Variants in PCDHA3 observed in about 807,000 individuals in gnomAD.
The protein encoded by PCDHA3 is protocadherin alpha 3.
Under a neutral mutation model 62.2 loss-of-function variants are expected in PCDHA3, and 41 were observed. The observed-to-expected ratio is 0.66, with a 90% CI of 0.51 to 0.86. PCDHA3 has a LOEUF of 0.86. Among genes scored for constraint, PCDHA3 ranks in the 40% least tolerant of loss-of-function variants. PCDHA3 has a pLI of 0.00. For synonymous variants in PCDHA3, 640 were observed against 555.4 expected (o/e 1.15, Z -2.14); for missense variants, 1,304 against 1,241.2 (o/e 1.05, Z -0.76).
intron 1 of PCDHA3, among the ~76,000 whole-genome samples, chr5:140,880,156 A>C (rs1301821759): frequency 6.6e-6 from 1 of 152,250 alleles, no homozygotes; most frequent in Non-Finnish European, 1.5e-5. Context: ...TATATCAAGT[A>C]TATGTTAGAA....
At chr5:140,812,561 T>A (rs1311819080) in intron 1 of PCDHA3, 1 of 152,190 alleles carries the variant, frequency 6.6e-6, no homozygotes, top group African/African-American at 2.4e-5. Flanking sequence ...GTTGTTAAGT[T>A]TTTTATTTGA....
At chr5:140,825,517 C>A (rs1236506485) in intron 1 of PCDHA3, 1 of 151,028 alleles carries the variant, frequency 6.6e-6, no homozygotes, top group Non-Finnish European at 1.5e-5. Context: ...CTTGGCCTCC[C>A]AGGTTCAAGC....
intron 1 of PCDHA3, chr5:140,849,798 C>G (rs1356253349): frequency 1.3e-6 from 2 of 1,598,416 alleles, no homozygotes; most frequent in African/African-American, 1.3e-5. Context: ...CTCGCCTTCA[C>G]TGTGGGCCAC....
At chr5:140,843,758 A>T (rs2150366226) in intron 1 of PCDHA3, 1 of 1,503,376 alleles carries the variant, frequency 6.7e-7, no homozygotes, top group East Asian at 2.3e-5. Flanking sequence ...CTATTTGTGG[A>T]AATTGTAGTT....
intron 1 of PCDHA3, among the ~76,000 whole-genome samples, chr5:140,919,522 CT>C (rs1554199133): frequency 1.3e-5 from 2 of 152,000 alleles, no homozygotes; most frequent in Non-Finnish European, 2.9e-5. Flanking sequence ...TTTTAATTCT[CT>C]TTTTTTCCTA....
intron 1 of PCDHA3, chr5:140,857,713 G>A (rs903592431): frequency 5.6e-6 from 9 of 1,597,320 alleles, no homozygotes; most frequent in Non-Finnish European, 7.7e-6. Flanking sequence ...TGTTCGTGCT[G>A]GACGAGAACG....
chr5:140,866,633 G>A (rs900221819), intron 1 of PCDHA3: 71 of 152,170 alleles, frequency 4.7e-4, no homozygotes, highest in African/African-American at 1.6e-3. Flanking sequence ...TTCTGACAAC[G>A]GTGTCAAAAT....
At chr5:140,875,758 T>C (rs1562702075) in intron 1 of PCDHA3, 1 of 1,614,186 alleles carries the variant, frequency 6.2e-7, no homozygotes. Context: ...CGAGAAGCTG[T>C]GCGGGCGGAG....
chr5:140,857,567 G>C, intron 1 of PCDHA3: 1 of 1,596,986 alleles, frequency 6.3e-7, no homozygotes, highest in Non-Finnish European at 8.6e-7. Flanking sequence ...GTCGAGCTAC[G>C]TGTCGGTGCA....
chr5:140,998,186 CA>C (rs1323195881), intron 3 of PCDHA3, among the ~76,000 whole-genome samples: 1 of 152,088 alleles, frequency 6.6e-6, no homozygotes, highest in African/African-American at 2.4e-5. Context: ...AAGCACTTTA[CA>C]AGTATTAACT....
At chr5:140,955,716 A>G (rs2095221843) in intron 1 of PCDHA3, among the ~76,000 whole-genome samples, 1 of 152,220 alleles carries the variant, frequency 6.6e-6, no homozygotes, top group African/African-American at 2.4e-5. Flanking sequence ...TAATAGGAAT[A>G]CCATTGAATC....
chr5:140,913,036 A>G (rs2076178944), intron 1 of PCDHA3, among the ~76,000 whole-genome samples: 3 of 152,190 alleles, frequency 2.0e-5, no homozygotes, highest in African/African-American at 7.2e-5. Context: ...CATCAGATAT[A>G]TTGGCCTGGA....
At chr5:140,903,725 T>C (rs2070536820) in intron 1 of PCDHA3, among the ~76,000 whole-genome samples, 1 of 152,256 alleles carries the variant, frequency 6.6e-6, no homozygotes. Context: ...TTCTCCCTAT[T>C]ATCAATTATT....
chr5:140,939,005 G>A (rs2092293653), intron 1 of PCDHA3, among the ~76,000 whole-genome samples: 1 of 152,200 alleles, frequency 6.6e-6, no homozygotes, highest in Non-Finnish European at 1.5e-5. Flanking sequence ...AAGTTAAGAA[G>A]TGTTACTTTT....
rs1199685974 is a variant in PCDHA3 at position 140,838,075 on chromosome 5, ATAGTGTGTGTGTGTGTGTGTGTGTGT to A, written c.2394+34485_2394+34510del. 9.4e-5 allele frequency among the ~76,000 whole-genome samples: 12 copies of A among 128,240 alleles called. 1 individual carries two copies. The highest frequency in any genetic ancestry group is 6.9e-4 in the East Asian group (3 of 4,320). The allele number at this position is 128,240 out of a possible 152,430, so 84.1% of individuals were successfully genotyped here. ...GTTTTCCACTTTAAGTTATATATAT[ATAGTGTGTGTGTGTGTGTGTGTGTGT>A]GTGTGTGTGTGTGTGTGTGTGTGTG... On this transcript the variant is annotated intron_variant, in intron 1 of 3. Transcript: ENST00000522353.
intron 1 of PCDHA3, chr5:140,871,241 C>G (rs782602807): frequency 3.7e-6 from 6 of 1,613,972 alleles, no homozygotes; most frequent in Non-Finnish European, 5.1e-6. Flanking sequence ...CTGGTACTCA[C>G]GCTGCTGCTG....
intron 1 of PCDHA3, among the ~76,000 whole-genome samples, chr5:140,919,051 T>G (rs1443609855): frequency 1.3e-5 from 2 of 152,238 alleles, no homozygotes; most frequent in Non-Finnish European, 2.9e-5. Flanking sequence ...TTATTGGAAG[T>G]GGAGTATTAA....
chr5:140,890,505 C>T (rs968263026), intron 1 of PCDHA3, among the ~76,000 whole-genome samples: 4 of 151,914 alleles, frequency 2.6e-5, no homozygotes, highest in Admixed American at 2.6e-4. Flanking sequence ...ATTTTTATGT[C>T]TCTATTTCCT....
At chr5:140,856,096 GCTT>G (rs782403061) in intron 1 of PCDHA3, 1 of 1,597,460 alleles carries the variant, frequency 6.3e-7, no homozygotes, top group South Asian at 1.1e-5. Flanking sequence ...TGCTGCTCTC[GCTT>G]CTTCTCCTCG....
Sources: allele counts gnomAD v4.1 joint callset (sites outside exome capture counted in the v4.1 genomes callset), GRCh38; gene constraint gnomAD v4.1.1; transcripts MANE v1.5; gene names NCBI Gene and HGNC (gene_info 2026-07-23, HGNC 2026-07-21).